Variants in CACHD1 observed in about 807,000 individuals in gnomAD.
CACHD1 encodes the protein VWFA and cache domain-containing protein 1.
CACHD1 carries 71 observed loss-of-function variants against 138.7 expected under a neutral mutation model. That is an observed-to-expected ratio of 0.51 (90% CI 0.42 to 0.62). The LOEUF (loss-of-function observed/expected upper bound fraction) is 0.62. Ranked by LOEUF, CACHD1 falls within the 20% of genes least tolerant of loss-of-function variation. The pLI is 0.00. For missense variants in CACHD1, 1,389 were observed against 1,625.3 expected, an observed-to-expected ratio of 0.85 and a Z score of 2.50; for synonymous variants, 578 against 591.5, an observed-to-expected ratio of 0.98 and a Z score of 0.33.
At chr1:64,543,690 A>G (rs1646696070) in intron 1 of CACHD1, among the ~76,000 whole-genome samples, 1 of 151,800 alleles carries the variant, frequency 6.6e-6, no homozygotes, top group African/African-American at 2.4e-5. Flanking sequence ...CATTTGTTTA[A>G]TAGTATGAGG....
At chr1:64,572,316 C>T (rs1379512470) in intron 2 of CACHD1, among the ~76,000 whole-genome samples, 1 of 152,080 alleles carries the variant, frequency 6.6e-6, no homozygotes, top group Non-Finnish European at 1.5e-5. Flanking sequence ...AAGGCCTGGG[C>T]TTATTTCAGA....
intron 2 of CACHD1, among the ~76,000 whole-genome samples, chr1:64,571,906 C>T (rs1298944843): frequency 1.3e-5 from 2 of 152,142 alleles, no homozygotes; most frequent in East Asian, 3.8e-4. Flanking sequence ...TTCCCAGAGC[C>T]TTTCTGACCT....
intron 1 of CACHD1, among the ~76,000 whole-genome samples, chr1:64,496,185 TTC>T (rs1646305559): frequency 6.6e-6 from 1 of 152,214 alleles, no homozygotes; most frequent in Non-Finnish European, 1.5e-5. Context: ...TGTATTTCAC[TTC>T]TGGTAGTAGG....
chr1:64,510,497 G>A (rs886167111), intron 1 of CACHD1, among the ~76,000 whole-genome samples: 12 of 152,148 alleles, frequency 7.9e-5, no homozygotes, highest in South Asian at 2.1e-4. Flanking sequence ...GTCCAGTGAC[G>A]ACGGAACAGC....
Position 64,477,634 on chromosome 1 carries a change from A to AT in CACHD1, c.198+6703dup, listed in dbSNP as rs1038287180. Among the ~76,000 whole-genome samples, 419 of 131,788 alleles carry AT rather than the reference A, an allele frequency of 3.2e-3. 5 individuals are homozygous for AT. The highest frequency in any genetic ancestry group is 9.8e-3 in the African/African-American group (330 of 33,560). 86.5% of individuals were successfully genotyped at this position (131,788 alleles called of 152,430 possible). A position where few individuals can be genotyped will look rare whatever the true frequency, so the allele number is the denominator to read the frequency against. On this transcript the variant is annotated intron_variant, in intron 1 of 26. Coordinates refer to ENST00000651257, the MANE Select transcript of CACHD1 (RefSeq NM_020925.4). ...ATTATTATTATTATTATTTTATTTT[A>AT]TTTTTTTTTTTGAGACGGAGTCTCG...
At chr1:64,512,592 C>T (rs1024176019) in intron 1 of CACHD1, among the ~76,000 whole-genome samples, 9 of 152,056 alleles carry the variant, frequency 5.9e-5, no homozygotes, top group African/African-American at 2.2e-4. Context: ...CACACACACC[C>T]CTGCCAATTT....
chr1:64,673,121 CTGATA>C (rs904756793), intron 17 of CACHD1, 32 bp from the exon 18 acceptor site: 14 of 1,460,486 alleles, frequency 9.6e-6, no homozygotes, highest in Non-Finnish European at 1.3e-5. Flanking sequence ...AAAAAAACAG[CTGATA>C]TGAATGAGGG....
At chr1:64,663,420 G>T (rs558203022) in intron 13 of CACHD1, among the ~76,000 whole-genome samples, 1 of 151,400 alleles carries the variant, frequency 6.6e-6, no homozygotes, top group Non-Finnish European at 1.5e-5. Context: ...GCGTGGTGGC[G>T]GTTGCCTGTA....
intron 1 of CACHD1, among the ~76,000 whole-genome samples, chr1:64,494,035 G>A (rs1199586994): frequency 6.6e-6 from 1 of 152,174 alleles, no homozygotes; most frequent in Admixed American, 6.5e-5. Flanking sequence ...GGAGCGGTGG[G>A]ACAAGGGAGG....
At chr1:64,546,875 A>G (rs12092553) in intron 1 of CACHD1, among the ~76,000 whole-genome samples, 4,171 of 152,286 alleles carry the variant, frequency 0.027, 193 homozygotes, top group African/African-American at 0.093. Context: ...GGATTCTTTA[A>G]TTACCCTGGA....
At chr1:64,666,676 G>A (rs889552833) in intron 16 of CACHD1, among the ~76,000 whole-genome samples, 2 of 151,476 alleles carry the variant, frequency 1.3e-5, no homozygotes, top group Non-Finnish European at 2.9e-5. Context: ...CAGGAGTTCC[G>A]GACCAGCCTG....
In CACHD1 at chr1:64,641,975, T is replaced by C; in HGVS notation, c.1156+6T>C. 1 of 1,549,272 alleles carries C rather than the reference T, an allele frequency of 6.5e-7. No individual in the cohort carries two copies. The highest frequency in any genetic ancestry group is 8.7e-7 in the Non-Finnish European group (1 of 1,155,696). ...CACCTATGCCCTCATGAACGGTAGGTAGAGTTTCAAGATATTCCTTTCAGA... is the reference window on the plus strand; with the variant it reads ...CACCTATGCCCTCATGAACGGTAGGCAGAGTTTCAAGATATTCCTTTCAGA... On this transcript the variant is annotated splice_donor_region_variant and intron_variant, in intron 8 of 26. Coordinates refer to ENST00000651257, the MANE Select transcript of CACHD1 (RefSeq NM_020925.4).
intron 17 of CACHD1, 79 bp downstream of exon 17, chr1:64,671,765 C>G: frequency 6.5e-7 from 1 of 1,544,376 alleles, no homozygotes. Context: ...TGAATGGGAA[C>G]CGCATAGTTA....
intron 1 of CACHD1, among the ~76,000 whole-genome samples, chr1:64,474,489 G>C (rs979318663): frequency 6.6e-6 from 1 of 152,184 alleles, no homozygotes. Context: ...GCATGTAAAG[G>C]CATCTGTTAA....
At chr1:64,588,278 A>G (rs1434200885) in intron 3 of CACHD1, among the ~76,000 whole-genome samples, 1 of 152,168 alleles carries the variant, frequency 6.6e-6, no homozygotes, top group African/African-American at 2.4e-5. Flanking sequence ...TAAAGAATAT[A>G]ACTCCTTTAG....
chr1:64,522,527 T>G (rs1646506249), intron 1 of CACHD1, among the ~76,000 whole-genome samples: 1 of 150,704 alleles, frequency 6.6e-6, no homozygotes, highest in South Asian at 2.1e-4. Context: ...AGGCTTCAAC[T>G]CCTGACCTCA....
intron 2 of CACHD1, among the ~76,000 whole-genome samples, chr1:64,562,891 CT>C (rs1193179980): frequency 1.3e-5 from 2 of 151,940 alleles, no homozygotes; most frequent in African/African-American, 4.8e-5. Context: ...TGTCTTTTTT[CT>C]TGAGAATTGG....
chr1:64,677,151 C>A, intron 22 of CACHD1, 140 bp downstream of exon 22: 1 of 654,540 alleles, frequency 1.5e-6, no homozygotes, highest in Non-Finnish European at 2.7e-6. Flanking sequence ...TAAATGTTGT[C>A]TCGTTCCCAC....
At position 64,658,780 on chromosome 1, in the gene CACHD1, A is replaced by G; in HGVS notation, c.1858A>G (p.Asn620Asp). 6.2e-7 allele frequency: 1 copy of G among 1,609,294 alleles called. No individual in the cohort carries two copies. ...EIPVKQLKNL[N>D]TVPSSKLLYH... ...ACCTGTGAAACAACTGAAGAACCTC[A>G]ACACTGTTCCCAGCAGCAAGCTGCT... The change falls in exon 13 of 27, where the codon AAC becomes GAC. Residue 620 changes from asparagine (N) to aspartate (D), a missense_variant. Physicochemically the swap from Asn to Asp is conservative, Grantham distance 23 (BLOSUM62 1). This residue lies in a region of CACHD1 where 1,000 missense variants were observed against 1,114.7 expected (regional missense o/e 0.90). Transcript: ENST00000651257.
Sources: allele counts gnomAD v4.1 joint callset (sites outside exome capture counted in the v4.1 genomes callset), GRCh38; gene constraint gnomAD v4.1.1; regional missense constraint gnomAD v4.1.1; transcripts MANE v1.5; gene names NCBI Gene and HGNC (gene_info 2026-07-23, HGNC 2026-07-21).